Variants in NKAIN3 observed in about 807,000 individuals in gnomAD.
NKAIN3 encodes sodium/potassium transporting ATPase interacting 3, also known as sodium/potassium-transporting ATPase subunit beta-1-interacting protein 3.
Under a neutral mutation model 30.2 loss-of-function variants are expected in NKAIN3, and 25 were observed. That is an observed-to-expected ratio of 0.83 (90% CI 0.60 to 1.16). The LOEUF (loss-of-function observed/expected upper bound fraction) is 1.16, where lower values mean the gene tolerates loss of function less well. Ranked by LOEUF, NKAIN3 falls within the 50% of genes most tolerant of loss-of-function variation. NKAIN3 has a pLI of 0.00. For missense variants in NKAIN3, 225 were observed against 254.1 expected, an observed-to-expected ratio of 0.89 and a Z score of 0.78; for synonymous variants, 91 against 89.6, an observed-to-expected ratio of 1.02 and a Z score of -0.09.
intron 1 of NKAIN3, among the ~76,000 whole-genome samples, chr8:62,252,900 G>T (rs540448262): frequency 3.0e-4 from 45 of 152,120 alleles, no homozygotes; most frequent in Admixed American, 2.0e-4. Flanking sequence ...AACCTTAATT[G>T]CATGGTTTCA....
intron 1 of NKAIN3, among the ~76,000 whole-genome samples, chr8:62,503,439 A>T (rs1839871): frequency 6.6e-6 from 1 of 152,042 alleles, no homozygotes; most frequent in Non-Finnish European, 1.5e-5. Context: ...AGCGGTGCAC[A>T]TATTGTCTTG....
chr8:62,649,218 C>T (rs1812554959), intron 3 of NKAIN3, among the ~76,000 whole-genome samples: 1 of 152,140 alleles, frequency 6.6e-6, no homozygotes, highest in Non-Finnish European at 1.5e-5. Flanking sequence ...TTGTGGATTC[C>T]TGTGATTCTA....
At chr8:62,893,578 C>T (rs1239465440) in intron 4 of NKAIN3, among the ~76,000 whole-genome samples, 1 of 152,136 alleles carries the variant, frequency 6.6e-6, no homozygotes, top group Non-Finnish European at 1.5e-5. Flanking sequence ...TCCAGTGATT[C>T]AGTGTGAACT....
At chr8:62,642,455 G>A (rs1812339282) in intron 3 of NKAIN3, among the ~76,000 whole-genome samples, 1 of 152,014 alleles carries the variant, frequency 6.6e-6, no homozygotes, top group Non-Finnish European at 1.5e-5. Flanking sequence ...TTTTGACATT[G>A]GATAATGTTG....
chr8:62,633,129 T>C (rs79998636), intron 3 of NKAIN3, among the ~76,000 whole-genome samples: 1,587 of 152,290 alleles, frequency 0.01, 15 homozygotes, highest in Non-Finnish European at 0.017. Flanking sequence ...AGCTACGTGA[T>C]TGAGAGTTAC....
intron 1 of NKAIN3, among the ~76,000 whole-genome samples, chr8:62,517,041 G>A (rs1407919940): frequency 6.7e-6 from 1 of 149,366 alleles, no homozygotes; most frequent in African/African-American, 2.6e-5. Flanking sequence ...TTCATTTGAC[G>A]CCTCATTAAG....
chr8:62,545,637 T>G (rs1369486553), intron 1 of NKAIN3, among the ~76,000 whole-genome samples: 2 of 152,218 alleles, frequency 1.3e-5, no homozygotes, highest in African/African-American at 4.8e-5. Flanking sequence ...ATTGATCTCA[T>G]TCTTTCTAAA....
chr8:62,395,907 A>G (rs1257097344), intron 1 of NKAIN3, among the ~76,000 whole-genome samples: 1 of 152,234 alleles, frequency 6.6e-6, no homozygotes, highest in Non-Finnish European at 1.5e-5. Context: ...AAAGAAACTG[A>G]TGAATTTTCC....
At chr8:62,807,976 T>A (rs1818357995) in intron 4 of NKAIN3, among the ~76,000 whole-genome samples, 1 of 152,006 alleles carries the variant, frequency 6.6e-6, no homozygotes, top group Non-Finnish European at 1.5e-5. Flanking sequence ...TATTTTCAAA[T>A]TTTAAAAAAG....
intron 4 of NKAIN3, among the ~76,000 whole-genome samples, chr8:62,815,624 T>C (rs1388936104): frequency 3.3e-5 from 5 of 152,114 alleles, no homozygotes; most frequent in South Asian, 2.1e-4. Flanking sequence ...AAAAACCACA[T>C]GATTATCTCA....
chr8:62,791,935 G>A (rs887406440), intron 4 of NKAIN3, among the ~76,000 whole-genome samples: 4 of 152,098 alleles, frequency 2.6e-5, no homozygotes, highest in Non-Finnish European at 5.9e-5. Flanking sequence ...TATTCAAGGT[G>A]TACAACCTGA....
intron 3 of NKAIN3, among the ~76,000 whole-genome samples, chr8:62,607,933 A>G (rs1187285958): frequency 1.3e-5 from 2 of 152,134 alleles, no homozygotes; most frequent in African/African-American, 4.8e-5. Context: ...TAACTTTTCC[A>G]AGGATTCCTA....
intron 5 of NKAIN3, chr8:62,990,515 T>A (rs1373832514): frequency 5.4e-6 from 2 of 369,400 alleles, no homozygotes; most frequent in Non-Finnish European, 8.0e-6. Context: ...TTCCACTAAA[T>A]TCACCAATTT....
intron 1 of NKAIN3, among the ~76,000 whole-genome samples, chr8:62,443,537 C>A (rs1229416680): frequency 1.3e-5 from 2 of 151,770 alleles, no homozygotes; most frequent in Non-Finnish European, 2.9e-5. Flanking sequence ...GTGCGAGCCA[C>A]CATGCCAGGC....
At chr8:62,263,854 T>C (rs1423766533) in intron 1 of NKAIN3, among the ~76,000 whole-genome samples, 3 of 152,184 alleles carry the variant, frequency 2.0e-5, no homozygotes, top group African/African-American at 7.2e-5. Flanking sequence ...TACGTATTTA[T>C]ATATGAACTT....
At chr8:62,530,131 A>G (rs1808443201) in intron 1 of NKAIN3, among the ~76,000 whole-genome samples, 1 of 152,208 alleles carries the variant, frequency 6.6e-6, no homozygotes, top group African/African-American at 2.4e-5. Context: ...GTTAGGAGCC[A>G]AGCAGTCAAC....
At chr8:62,392,606 G>A (rs1275858456) in intron 1 of NKAIN3, among the ~76,000 whole-genome samples, 4 of 151,800 alleles carry the variant, frequency 2.6e-5, no homozygotes, top group Non-Finnish European at 5.9e-5. Context: ...CCATTAAATG[G>A]GAGCCTAGCA....
chr8:62,464,223 G>C (rs1015083189), intron 1 of NKAIN3, among the ~76,000 whole-genome samples: 1 of 152,200 alleles, frequency 6.6e-6, no homozygotes, highest in African/African-American at 2.4e-5. Context: ...ACAAAATAAG[G>C]TTTCTCTAAA....
chr8:62,292,926 GT>G (rs1483262468), intron 1 of NKAIN3, among the ~76,000 whole-genome samples: 1 of 151,976 alleles, frequency 6.6e-6, no homozygotes, highest in East Asian at 1.9e-4. Flanking sequence ...GGCTTTGTTT[GT>G]TTCTTTTTAC....
Sources: gnomAD v4.1 joint callset for allele counts (sites outside exome capture counted in the v4.1 genomes callset) on GRCh38, gnomAD v4.1.1 for gene constraint, MANE v1.5 for transcripts, NCBI Gene and HGNC (gene_info 2026-07-23, HGNC 2026-07-21) for gene names.